TMOD1: variants seen among roughly 807,000 people sequenced by gnomAD.
TMOD1 encodes the protein tropomodulin 1, also known as tropomodulin-1.
Under a neutral mutation model 40.6 loss-of-function variants are expected in TMOD1, and 17 were observed. The observed-to-expected ratio is 0.42, with a 90% CI of 0.29 to 0.63. The LOEUF is 0.63. Among genes scored for constraint, TMOD1 ranks in the 20% least tolerant of loss-of-function variants. TMOD1 has a pLI of 0.22. For missense variants in TMOD1, 391 were observed against 447.6 expected (o/e 0.87, Z 1.14); for synonymous variants, 181 against 175.0 (o/e 1.03, Z -0.27).
At chr9:97,556,134 G>A (rs1830533033) in intron 4 of TMOD1, among the ~76,000 whole-genome samples, 1 of 152,068 alleles carries the variant, frequency 6.6e-6, no homozygotes, top group East Asian at 1.9e-4. Context: ...GGGAATGGAG[G>A]AGGCAGGCCT....
chr9:97,565,757 G>T, intron 6 of TMOD1, 91 bp from the exon 7 acceptor site: 1 of 1,022,838 alleles, frequency 9.8e-7, no homozygotes, highest in Non-Finnish European at 1.5e-6. Flanking sequence ...AGACTTGCCA[G>T]GAATCAGAGA....
chr9:97,531,550 G>A (rs1830102960), intron 2 of TMOD1, among the ~76,000 whole-genome samples: 1 of 152,154 alleles, frequency 6.6e-6, no homozygotes, highest in East Asian at 1.9e-4. Flanking sequence ...GGCGGAGGTT[G>A]CAGTGAGCCA....
chr9:97,559,794 A>ATATATATATATATAT (rs1554683057), intron 4 of TMOD1, among the ~76,000 whole-genome samples: 1 of 23,174 alleles, frequency 4.3e-5, no homozygotes, highest in Non-Finnish European at 7.7e-5. Context: ...AAAAAAAAAA[A>ATATATATATATATAT]ATATATATAT....
At chr9:97,546,149 T>C (rs2131246960) in intron 2 of TMOD1, 36 bp from the exon 3 acceptor site, 1 of 1,573,730 alleles carries the variant, frequency 6.4e-7, no homozygotes, top group Non-Finnish European at 8.6e-7. Context: ...TCTCTCTCTT[T>C]CTCTCTCTCC....
intron 8 of TMOD1, among the ~76,000 whole-genome samples, chr9:97,574,305 C>T (rs1830877955): frequency 6.6e-6 from 1 of 152,006 alleles, no homozygotes; most frequent in Admixed American, 6.5e-5. Flanking sequence ...GCGGGCCCCG[C>T]ACTCGGAGCG....
chr9:97,564,759 C>A (rs552478207), intron 6 of TMOD1, among the ~76,000 whole-genome samples: 3 of 152,246 alleles, frequency 2.0e-5, no homozygotes, highest in African/African-American at 7.2e-5. Flanking sequence ...GGTGGACAGG[C>A]AGTCTCACCC....
At chr9:97,536,184 G>A (rs1003446571) in intron 2 of TMOD1, among the ~76,000 whole-genome samples, 7 of 152,194 alleles carry the variant, frequency 4.6e-5, no homozygotes, top group Non-Finnish European at 8.8e-5. Context: ...GACCATAAGT[G>A]CCTAAGTTTT....
At chr9:97,559,807 ATATATATATATATATATGTCTATCTATC>A (rs1830603553) in intron 4 of TMOD1, among the ~76,000 whole-genome samples, 3 of 33,714 alleles carry the variant, frequency 8.9e-5, no homozygotes, top group African/African-American at 1.1e-4. Context: ...ATATATATAT[ATATATATATATATATATGTCTATCTATC>A]TATCTATCTA....
intron 1 of TMOD1, among the ~76,000 whole-genome samples, chr9:97,514,425 T>G (rs1349920034): frequency 6.6e-6 from 1 of 152,134 alleles, no homozygotes; most frequent in African/African-American, 2.4e-5. Context: ...GCCGAAATTC[T>G]TAATAATTTT....
At chr9:97,555,211 G>A (rs757539315) in intron 4 of TMOD1, among the ~76,000 whole-genome samples, 2 of 152,156 alleles carry the variant, frequency 1.3e-5, no homozygotes, top group East Asian at 1.9e-4. Context: ...CATTGAGCCC[G>A]TATATTATAC....
At chr9:97,522,459 C>T (rs1166876554) in intron 1 of TMOD1, among the ~76,000 whole-genome samples, 7 of 152,128 alleles carry the variant, frequency 4.6e-5, no homozygotes, top group African/African-American at 7.2e-5. Flanking sequence ...CTGCAATGAC[C>T]GTATTTCCAG....
At chr9:97,566,502 C>T (rs1211145949) in intron 7 of TMOD1, among the ~76,000 whole-genome samples, 2 of 152,004 alleles carry the variant, frequency 1.3e-5, no homozygotes, top group Admixed American at 6.6e-5. Flanking sequence ...GAAACCCCGT[C>T]TCTACTAAAA....
rs181555079 is a variant in TMOD1, at chr9:97,557,377, C to A, written c.397+3977C>A. Among the ~76,000 whole-genome samples the A allele has an allele frequency of 1.8e-4, 27 of 152,186 alleles. No homozygotes were observed. The East Asian group carries it at 4.8e-3, about 27-fold the overall frequency. On this transcript the variant is annotated intron_variant, in intron 4 of 9. Coordinates refer to ENST00000259365, the MANE Select transcript of TMOD1 (RefSeq NM_003275.4). The surrounding 1 kb of genome is among the most constrained non-coding windows in gnomAD (Gnocchi z 4.4). ...GGTGATGCTGGCTGGCTTTAGGGAC[C>A]CTTCAGGTGGGGCAGAACCCAGGAA...
Position 97,557,959 on chromosome 9 carries a change from C to A in TMOD1, c.397+4559C>A, listed in dbSNP as rs751916676. The stretch of plus-strand genomic sequence containing the variant: ...GAAGCAACAGGCAATGTTGATGTGC[C>A]GTTTTCTCCCGTCACTCACTTCTGT... On this transcript the variant is annotated intron_variant, in intron 4 of 9. Transcript: ENST00000259365. The surrounding 1 kb of genome is among the most constrained non-coding windows in gnomAD (Gnocchi z 4.4). Among the ~76,000 whole-genome samples the A allele has an allele frequency of 6.6e-6, 1 of 152,030 alleles. No homozygotes were observed. The highest frequency in any genetic ancestry group is 1.5e-5 in the Non-Finnish European group (1 of 68,032).
intron 9 of TMOD1, among the ~76,000 whole-genome samples, chr9:97,598,144 C>A (rs866451562): frequency 1.3e-5 from 2 of 151,984 alleles, no homozygotes; most frequent in African/African-American, 4.8e-5. Flanking sequence ...GCCTAGCCAA[C>A]ATGGTGAACC....
rs560235789 is a variant in TMOD1, at chr9:97,512,966, T to C, written c.-49+11163T>C. ...CCAGTGTCTTGTTTAAAAAAGATAA[T>C]TACCACCCACCCCCCACAAAAGAGT... On this transcript the variant is annotated intron_variant, in intron 1 of 9. Coordinates refer to ENST00000259365, the MANE Select transcript of TMOD1 (RefSeq NM_003275.4). 8 of 152,212 alleles carry C rather than the reference T, an allele frequency of 5.3e-5. No individual in the cohort carries two copies. In the East Asian group the frequency reaches 1.2e-3, roughly 22 times the overall value. 9.4% of individuals were successfully genotyped at this position (152,212 alleles called of 1,614,324 possible).
At chr9:97,527,626 G>A (rs1431773418) in intron 2 of TMOD1, among the ~76,000 whole-genome samples, 3 of 152,218 alleles carry the variant, frequency 2.0e-5, no homozygotes, top group Admixed American at 6.5e-5. Flanking sequence ...TAGAAAGAGG[G>A]GTTGGGATAG....
At chr9:97,522,171 G>A (rs374513585) in intron 1 of TMOD1, among the ~76,000 whole-genome samples, 98 of 152,314 alleles carry the variant, frequency 6.4e-4, no homozygotes, top group Middle Eastern at 3.4e-3. Context: ...TAACAGAAAC[G>A]TACTGTCACA....
intron 9 of TMOD1, 31 bp from the exon 10 acceptor site, chr9:97,599,603 T>C: frequency 1.2e-6 from 2 of 1,613,732 alleles, no homozygotes; most frequent in South Asian, 1.1e-5. Context: ...CAGGGAAAAG[T>C]GCCTTATATC....
Sources: allele counts gnomAD v4.1 joint callset (sites outside exome capture counted in the v4.1 genomes callset), GRCh38; gene constraint gnomAD v4.1.1; non-coding constraint Gnocchi (gnomAD v3.1); transcripts MANE v1.5; gene names NCBI Gene and HGNC (gene_info 2026-07-23, HGNC 2026-07-21).